MRPS27: variants seen among roughly 807,000 people sequenced by gnomAD.
MRPS27 encodes the protein small ribosomal subunit protein mS27.
In MRPS27, 43 loss-of-function variants were observed where a neutral mutation model predicts 48.9. That is an observed-to-expected ratio of 0.88 (90% confidence interval 0.69 to 1.13). The LOEUF (loss-of-function observed/expected upper bound fraction) is 1.13, where lower values mean the gene tolerates loss of function less well. Among genes scored for constraint, MRPS27 ranks in the 50% most tolerant of loss-of-function variants. The probability of loss-of-function intolerance (pLI) is 0.00; values close to 1 mark genes in which losing one functional copy is unlikely to be tolerated. For missense variants in MRPS27, 467 were observed against 476.3 expected (o/e 0.98, Z 0.18); for synonymous variants, 188 against 171.9 (o/e 1.09, Z -0.73).
chr5:72,311,598 G>A (rs370736350), intron 2 of MRPS27, among the ~76,000 whole-genome samples: 61 of 152,284 alleles, frequency 4.0e-4, no homozygotes, highest in African/African-American at 1.4e-3. Flanking sequence ...AGAGACCTGA[G>A]CTAGCATGCT....
chr5:72,231,015 G>A (rs1258307449), intron 7 of MRPS27, among the ~76,000 whole-genome samples: 2 of 151,984 alleles, frequency 1.3e-5, no homozygotes, highest in African/African-American at 4.8e-5. Flanking sequence ...TCCTTGCCCT[G>A]CTCTGATAGC....
chr5:72,242,561 A>T (rs1229211241), intron 4 of MRPS27, among the ~76,000 whole-genome samples: 1 of 151,468 alleles, frequency 6.6e-6, no homozygotes, highest in Non-Finnish European at 1.5e-5. Flanking sequence ...GCCTAGGCAC[A>T]GTAGCTCATG....
chr5:72,222,237 T>C (rs895740416), intron 10 of MRPS27, among the ~76,000 whole-genome samples: 5 of 152,086 alleles, frequency 3.3e-5, no homozygotes, highest in Admixed American at 3.3e-4. Context: ...CCATGTGGGG[T>C]TTGAGGCCAA....
At chr5:72,249,131 A>T (rs1243677717) in intron 4 of MRPS27, among the ~76,000 whole-genome samples, 3 of 152,224 alleles carry the variant, frequency 2.0e-5, no homozygotes, top group Admixed American at 1.3e-4. Context: ...TAGGCAAAAA[A>T]GTAAGAAAGC....
rs766395335 is a variant in MRPS27 at position 72,320,174 on chromosome 5, C to T, written c.48G>A (p.Val16=). 2 of 1,613,942 alleles carry T rather than the reference C, an allele frequency of 1.2e-6. No individual in the cohort carries two copies. Among genetic ancestry groups the T allele is most frequent in the Admixed American group, 3.3e-5 (2 of 60,022 alleles). ...VRRGMLLARQ[V]VLPQLSPAGK... ...CTGCAGGAGAGAGCTGAGGAAGAAC[C>T]ACTTGCCGCGCCAGGAGCATCCCGC... The change falls in exon 1 of 11, where the codon GTG becomes GTA. Residue 16 remains valine (V), a synonymous_variant. Coordinates refer to ENST00000261413, the MANE Select transcript of MRPS27 (RefSeq NM_015084.3).
chr5:72,239,183 A>G (rs1748287820), intron 4 of MRPS27, among the ~76,000 whole-genome samples: 1 of 152,160 alleles, frequency 6.6e-6, no homozygotes, highest in Non-Finnish European at 1.5e-5. Flanking sequence ...TATATTTGAG[A>G]GTCGAGGGTA....
chr5:72,311,201 G>A (rs1750433717), intron 2 of MRPS27, among the ~76,000 whole-genome samples: 1 of 152,176 alleles, frequency 6.6e-6, no homozygotes, highest in Non-Finnish European at 1.5e-5. Context: ...TCCGAAGTTG[G>A]TAACTGTGCT....
chr5:72,308,405 G>A (rs577894183), intron 2 of MRPS27, among the ~76,000 whole-genome samples: 129 of 152,326 alleles, frequency 8.5e-4, no homozygotes, highest in Non-Finnish European at 1.6e-3. Flanking sequence ...CCTCATATCG[G>A]CCCTCCTCCG....
intron 2 of MRPS27, among the ~76,000 whole-genome samples, chr5:72,302,572 A>C: frequency 6.6e-6 from 1 of 152,374 alleles, no homozygotes; most frequent in South Asian, 2.1e-4. Context: ...TATAAAAATA[A>C]AACAAAATAT....
At chr5:72,296,159 A>G (rs1561359198) in intron 3 of MRPS27, among the ~76,000 whole-genome samples, 1 of 152,194 alleles carries the variant, frequency 6.6e-6, no homozygotes, top group Non-Finnish European at 1.5e-5. Flanking sequence ...CTCATTAACT[A>G]TGGTCCAAAT....
chr5:72,246,115 T>G (rs16876762), intron 4 of MRPS27, among the ~76,000 whole-genome samples: 9,123 of 152,246 alleles, frequency 0.06, 869 homozygotes, highest in African/African-American at 0.21. Flanking sequence ...GAACAAGGAC[T>G]CAAGTAGGTG....
At chr5:72,230,821 C>G (rs958342897) in intron 7 of MRPS27, among the ~76,000 whole-genome samples, 2 of 152,140 alleles carry the variant, frequency 1.3e-5, no homozygotes, top group Non-Finnish European at 2.9e-5. Flanking sequence ...CACCTTGCAT[C>G]CAGACATATG....
intron 10 of MRPS27, 98 bp from the exon 11 acceptor site, chr5:72,221,246 G>C (rs1747732511): frequency 6.9e-7 from 1 of 1,443,878 alleles, no homozygotes; most frequent in South Asian, 1.4e-5. Context: ...CTTTAGATTT[G>C]AACAAAAGTT....
intron 4 of MRPS27, among the ~76,000 whole-genome samples, chr5:72,279,377 G>T (rs1020356082): frequency 6.6e-6 from 1 of 152,114 alleles, no homozygotes; most frequent in African/African-American, 2.4e-5. Flanking sequence ...TTAGCTACAT[G>T]CATTGCAAAT....
intron 4 of MRPS27, among the ~76,000 whole-genome samples, chr5:72,251,143 G>GT: frequency 6.6e-6 from 1 of 152,294 alleles, no homozygotes; most frequent in East Asian, 1.9e-4. Flanking sequence ...CACACGGCAG[G>GT]TGACTTGCAG....
At chr5:72,253,715 C>T (rs1250948923) in intron 4 of MRPS27, among the ~76,000 whole-genome samples, 1 of 152,076 alleles carries the variant, frequency 6.6e-6, no homozygotes, top group African/African-American at 2.4e-5. Context: ...TTATTTTAAA[C>T]CACAAAATGC....
intron 4 of MRPS27, among the ~76,000 whole-genome samples, chr5:72,275,335 C>A (rs1385749706): frequency 6.6e-6 from 1 of 152,098 alleles, no homozygotes; most frequent in African/African-American, 2.4e-5. Context: ...AAGTGAAGGA[C>A]TTCTTCAAGG....
chr5:72,295,135 T>G (rs1359514544), intron 4 of MRPS27, among the ~76,000 whole-genome samples: 1 of 152,052 alleles, frequency 6.6e-6, no homozygotes, highest in African/African-American at 2.4e-5. Context: ...GGCCAAGCTG[T>G]AAAAATACAT....
At chr5:72,251,508 T>C (rs1748664655) in intron 4 of MRPS27, among the ~76,000 whole-genome samples, 1 of 152,226 alleles carries the variant, frequency 6.6e-6, no homozygotes, top group Admixed American at 6.5e-5. Context: ...GCTTTCCACA[T>C]GCTTGGCAAG....
Sources: allele counts gnomAD v4.1 joint callset (sites outside exome capture counted in the v4.1 genomes callset), GRCh38; gene constraint gnomAD v4.1.1; transcripts MANE v1.5; gene names NCBI Gene and HGNC (gene_info 2026-07-23, HGNC 2026-07-21).